HOXA10: variants seen among roughly 807,000 people sequenced by gnomAD.
The protein encoded by HOXA10 is homeobox protein Hox-A10.
A neutral mutation model predicts 29.7 loss-of-function variants in HOXA10; 12 were observed. The ratio of observed to expected loss-of-function variants is 0.40; its 90% CI spans 0.26 to 0.65. HOXA10 has a LOEUF of 0.65. Among genes scored for constraint, HOXA10 ranks in the 30% least tolerant of loss-of-function variants. The probability of loss-of-function intolerance (pLI) is 0.37; values close to 1 mark genes in which losing one functional copy is unlikely to be tolerated. For synonymous variants in HOXA10, 327 were observed against 280.7 expected, an observed-to-expected ratio of 1.16 and a Z score of -1.65; for missense variants, 656 against 585.9, an observed-to-expected ratio of 1.12 and a Z score of -1.24.
Position 27,170,849 on chromosome 7 carries a change from A to G in HOXA10, c.*1050T>C, listed in dbSNP as rs771881117. The G allele has an allele frequency of 1.3e-4, 59 of 454,448 alleles. No homozygotes were observed. Among genetic ancestry groups the G allele is most frequent in the South Asian group, 8.7e-4 (56 of 64,414 alleles). 28.2% of individuals were successfully genotyped at this position (454,448 alleles called of 1,614,324 possible). On this transcript the variant is annotated 3_prime_UTR_variant, in exon 2 of 2. Coordinates refer to ENST00000283921, the MANE Select transcript of HOXA10 (RefSeq NM_018951.4). ...CTGCATCTACAGGTTTGACCCTTTT[A>G]TGCATGTAACTTCACAGTATAAAGG...
At chr7:27,179,548 A>G in intron 1 of HOXA10, 1 of 726,854 alleles carries the variant, frequency 1.4e-6, no homozygotes, top group Non-Finnish European at 2.6e-6. Context: ...GCGTCACCCC[A>G]CAAACCCAGC....
chr7:27,176,312 G>A (rs141412900), upstream of HOXA10, among the ~76,000 whole-genome samples: 398 of 152,332 alleles, frequency 2.6e-3, 2 homozygotes, highest in African/African-American at 9.1e-3. Flanking sequence ...ACTCTCCTTC[G>A]CTCTTCGCAT....
chr7:27,171,321 C>A lies in HOXA10; in HGVS notation c.*578G>T, dbSNP rs745555888. The A allele has an allele frequency of 3.7e-5, 17 of 454,132 alleles. No homozygotes were observed. The highest frequency in any genetic ancestry group is 7.5e-5 in the Non-Finnish European group (17 of 226,820). The allele number at this position is 454,132 out of a possible 1,614,324, so 28.1% of individuals were successfully genotyped here. A position where few individuals can be genotyped will look rare whatever the true frequency, so the allele number is the denominator to read the frequency against. ...TTTTTAAATCAGCCAAAGTCAAGCCCGTTTGCCAACCTGCATGTCCATGCC... is the reference window on the plus strand; with the variant it reads ...TTTTTAAATCAGCCAAAGTCAAGCCAGTTTGCCAACCTGCATGTCCATGCC... On this transcript the variant is annotated 3_prime_UTR_variant, in exon 2 of 2. Transcript: ENST00000283921.
chr7:27,173,305 G>T, intron 1 of HOXA10, 44 bp downstream of exon 1: 1 of 1,608,654 alleles, frequency 6.2e-7, no homozygotes, highest in Non-Finnish European at 8.5e-7. Flanking sequence ...CCTTGTGTCT[G>T]CCTGTCTGCC....
rs775960962 is a variant in HOXA10, at chr7:27,171,260, G to A, written c.*639C>T. On this transcript the variant is annotated 3_prime_UTR_variant, in exon 2 of 2. Transcript: ENST00000283921. Reference sequence around the variant, plus strand: ...TTTAAAGCTGGGATATCTTACAGAGGAAGGAAAAATTAACCTTTTTTACTT... The same window carrying A: ...TTTAAAGCTGGGATATCTTACAGAGAAAGGAAAAATTAACCTTTTTTACTT... 15 of 453,936 alleles carry A rather than the reference G, an allele frequency of 3.3e-5. No homozygotes were observed. Among genetic ancestry groups the A allele is most frequent in the South Asian group, 2.2e-4 (14 of 64,432 alleles). 28.1% of individuals were successfully genotyped at this position (453,936 alleles called of 1,614,324 possible).
chr7:27,176,539 C>G (rs764459079), upstream of HOXA10, among the ~76,000 whole-genome samples: 6 of 152,224 alleles, frequency 3.9e-5, no homozygotes, highest in Non-Finnish European at 8.8e-5. Flanking sequence ...CTGGGGGCTG[C>G]CTAGGAAGGA....
upstream of HOXA10, among the ~76,000 whole-genome samples, chr7:27,179,167 G>A (rs1783705856): frequency 6.6e-6 from 1 of 152,150 alleles, no homozygotes; most frequent in Admixed American, 6.5e-5. Context: ...CCAAGCTGCC[G>A]GGCAGACATA....
chr7:27,178,594 A>T (rs1365616883), upstream of HOXA10, among the ~76,000 whole-genome samples: 1 of 152,214 alleles, frequency 6.6e-6, no homozygotes, highest in East Asian at 1.9e-4. Context: ...CGCTGCAGAG[A>T]GCAGCTCACT....
chr7:27,174,389 T>G (rs1382827178), upstream of HOXA10: 18 of 1,570,034 alleles, frequency 1.1e-5, no homozygotes, highest in African/African-American at 9.4e-5. Context: ...AGCCAGAGTT[T>G]CCGCGCGACC....
upstream of HOXA10, among the ~76,000 whole-genome samples, chr7:27,177,431 A>ACACTGC (rs1783672838): frequency 6.6e-6 from 1 of 152,118 alleles, no homozygotes; most frequent in African/African-American, 2.4e-5. Flanking sequence ...ACGCAGCGAG[A>ACACTGC]CACTGCCGGT....
Position 27,174,069 on chromosome 7 carries a change from G to T in HOXA10, c.238C>A (p.Leu80Ile). The T allele has an allele frequency of 6.4e-7, 1 of 1,554,274 alleles. No individual in the cohort carries two copies. The highest frequency in any genetic ancestry group is 1.1e-5 in the South Asian group (1 of 87,422). Reference sequence around the variant, plus strand: ...CGCTTGCCGCCCAGCGTGGGGAAGAGCCCGCAGCTCTGCAGCCCGTAGGGC... The same window carrying T: ...CGCTTGCCGCCCAGCGTGGGGAAGATCCCGCAGCTCTGCAGCCCGTAGGGC... ...DLPYGLQSCG[L>I]FPTLGGKRNE... Residue 80 changes from leucine to isoleucine, a missense_variant, in exon 1 of 2, where the codon CTC becomes ATC. Physicochemically the swap from Leu to Ile is conservative, Grantham distance 5 (BLOSUM62 2). This residue lies in a region of HOXA10 where 594 missense variants were observed against 491.9 expected (regional missense o/e 1.21). Coordinates refer to ENST00000283921, the MANE Select transcript of HOXA10 (RefSeq NM_018951.4).
chr7:27,174,327 A>C (rs1486457776), upstream of HOXA10: 1 of 1,597,496 alleles, frequency 6.3e-7, no homozygotes, highest in South Asian at 1.1e-5. Flanking sequence ...AAACATGCTG[A>C]ATACGATTAG....
chr7:27,179,702 G>A (rs1464099633), exon 1 of HOXA10: 2 of 773,174 alleles, frequency 2.6e-6, no homozygotes, highest in Non-Finnish European at 2.4e-6. Flanking sequence ...GCGCGGCGAC[G>A]CTCGCGAGGC....
At position 27,173,945 on chromosome 7, in the gene HOXA10, G is replaced by T. The variant is rs1211508526; in HGVS notation, c.362C>A (p.Ala121Glu). 3.9e-6 allele frequency: 6 copies of T among 1,524,862 alleles called. No individual in the cohort carries two copies. Among genetic ancestry groups the T allele is most frequent in the South Asian group, 1.2e-5 (1 of 81,550 alleles). The allele number at this position is 1,524,862 out of a possible 1,614,324, so 94.5% of individuals were successfully genotyped here. Residue 121 changes from alanine (A) to glutamate (E), a missense_variant, in exon 1 of 2, where the codon GCG becomes GAG. Physicochemically the swap from Ala to Glu is moderately radical, Grantham distance 107. Coordinates refer to ENST00000283921, the MANE Select transcript of HOXA10 (RefSeq NM_018951.4). ...GPSPIDLWLD[A>E]PRSCRMEPPD... is the part of the protein sequence containing the mutation. ...CGGCTCCATCCGGCAAGACCGGGGC[G>T]CGTCTAGCCACAGGTCTATGGGCGA...
chr7:27,179,626 C>A, intron 1 of HOXA10: 1 of 777,854 alleles, frequency 1.3e-6, no homozygotes, highest in Non-Finnish European at 2.4e-6. Context: ...ACTGAAATTG[C>A]TAAACTTGTG....
At chr7:27,173,015 G>A (rs1783542433) in intron 1 of HOXA10, 3 of 347,126 alleles carry the variant, frequency 8.6e-6, no homozygotes, top group Non-Finnish European at 5.3e-6. Flanking sequence ...CGCGTGGGCC[G>A]CGCCGCGCAG....
In HOXA10 at chr7:27,173,644, G is replaced by C; in HGVS notation, c.663C>G (p.Gly221=). 1 of 1,546,064 alleles carries C rather than the reference G, an allele frequency of 6.5e-7. No homozygotes were observed. Among genetic ancestry groups the C allele is most frequent in the Non-Finnish European group, 8.7e-7 (1 of 1,145,290 alleles). The change falls in exon 1 of 2, where the codon GGC becomes GGG. Residue 221 remains glycine, a synonymous_variant. Coordinates refer to ENST00000283921, the MANE Select transcript of HOXA10 (RefSeq NM_018951.4). ...PGYFRLSQAY[G]TAKGYGSGGG... is the part of the protein sequence containing the mutation. ...CGCCGCTGCCATAGCCCTTGGCGGT[G>C]CCGTAGGCCTGAGAAAGGCGGAAGT...
In HOXA10 at chr7:27,173,688, C is replaced by T. The variant is rs367645722; in HGVS notation, c.619G>A (p.Gly207Arg). The change falls in exon 1 of 2, where the codon GGG becomes AGG. Residue 207 changes from glycine (G) to arginine (R), a missense_variant. Transcript: ENST00000283921. ...PDGCALGTSS[G>R]VPVPGYFRLS... ...CGGAAGTAGCCAGGCACTGGCACCC[C>T]GCTGGAGGTGCCCAGGGCGCAGCCG... The T allele has an allele frequency of 4.5e-6, 7 of 1,561,266 alleles. No individual in the cohort carries two copies. The African/African-American group carries it at 6.8e-5, about 15-fold the overall frequency.
At chr7:27,177,987 C>T (rs745746698), upstream of HOXA10, among the ~76,000 whole-genome samples, 1 of 152,230 alleles carries the variant, frequency 6.6e-6, no homozygotes, top group Non-Finnish European at 1.5e-5. Context: ...TTAAGGCCTT[C>T]GGCAAGGATT....
Sources: gnomAD v4.1 joint callset for allele counts (sites outside exome capture counted in the v4.1 genomes callset) on GRCh38, gnomAD v4.1.1 for gene constraint, gnomAD v4.1.1 regional missense constraint, MANE v1.5 for transcripts, NCBI Gene and HGNC (gene_info 2026-07-23, HGNC 2026-07-21) for gene names.